The following GLP2R variants were observed in gnomAD, a reference collection of about 807,000 sequenced individuals.
GLP2R encodes the protein glucagon like peptide 2 receptor.
GLP2R carries 59 observed loss-of-function variants against 68.2 expected under a neutral mutation model. The observed-to-expected ratio is 0.87, with a 90% CI of 0.70 to 1.07. The LOEUF (loss-of-function observed/expected upper bound fraction) is 1.07, where lower values mean the gene tolerates loss of function less well. GLP2R is among the 50% of genes least tolerant of loss of function. The probability of loss-of-function intolerance (pLI) is 0.00; values close to 1 mark genes in which losing one functional copy is unlikely to be tolerated. For missense variants in GLP2R, 548 were observed against 677.4 expected (o/e 0.81, Z 2.12); for synonymous variants, 270 against 265.4 (o/e 1.02, Z -0.17).
chr17:9,838,290 A>G (rs73255032), intron 3 of GLP2R, among the ~76,000 whole-genome samples: 9,906 of 152,198 alleles, frequency 0.065, 860 homozygotes, highest in African/African-American at 0.2. Context: ...TTCCTCATCT[A>G]TGAAGGGAAG....
At chr17:9,835,116 A>G (rs981322287) in intron 2 of GLP2R, among the ~76,000 whole-genome samples, 10 of 145,832 alleles carry the variant, frequency 6.9e-5, no homozygotes, top group African/African-American at 2.3e-4. Context: ...ACAACCTCCA[A>G]CTCCCTGGTT....
chr17:9,881,605 C>T (rs1454420519), intron 11 of GLP2R, among the ~76,000 whole-genome samples: 1 of 135,624 alleles, frequency 7.4e-6, no homozygotes, highest in Non-Finnish European at 1.5e-5. Flanking sequence ...TGGTCTCGAT[C>T]TCCTGACCTC....
intron 1 of GLP2R, among the ~76,000 whole-genome samples, chr17:9,831,885 G>A (rs1475973651): frequency 1.3e-5 from 2 of 152,142 alleles, no homozygotes; most frequent in Non-Finnish European, 2.9e-5. Flanking sequence ...TGCTGTGGAC[G>A]ACTCCTGGTT....
intron 4 of GLP2R, among the ~76,000 whole-genome samples, chr17:9,846,813 G>A (rs2066843069): frequency 6.6e-6 from 1 of 152,156 alleles, no homozygotes; most frequent in South Asian, 2.1e-4. Context: ...ATCAAACCTT[G>A]CCAAGATTAA....
intron 10 of GLP2R, among the ~76,000 whole-genome samples, chr17:9,871,793 C>G (rs935453365): frequency 2.1e-5 from 3 of 141,188 alleles, no homozygotes; most frequent in African/African-American, 7.8e-5. Flanking sequence ...GGCATGATCT[C>G]AGCTCGCTGC....
intron 3 of GLP2R, among the ~76,000 whole-genome samples, chr17:9,838,965 A>C (rs1009491022): frequency 3.9e-5 from 6 of 152,216 alleles, no homozygotes; most frequent in Admixed American, 1.3e-4. Flanking sequence ...GTGAGCCCAC[A>C]TTGCACCACT....
intron 4 of GLP2R, among the ~76,000 whole-genome samples, chr17:9,848,991 T>C (rs2066866682): frequency 6.6e-6 from 1 of 150,546 alleles, no homozygotes; most frequent in Non-Finnish European, 1.5e-5. Flanking sequence ...CTTTGTCCTT[T>C]AAAAAGTGCG....
At chr17:9,857,721 A>T (rs1455477491) in intron 6 of GLP2R, 145 bp downstream of exon 6, 1 of 756,354 alleles carries the variant, frequency 1.3e-6, no homozygotes, top group African/African-American at 1.8e-5. Context: ...GTAGTACGTG[A>T]CTTAACAAAA....
chr17:9,870,834 A>T lies in GLP2R; in HGVS notation c.1144A>T (p.Arg382Ter). The change falls in exon 10 of 13, where the codon AGA becomes TGA. Residue 382 changes from arginine to a stop codon, truncating the protein, a stop_gained and splice_region_variant. Coordinates refer to ENST00000262441, the MANE Select transcript of GLP2R (RefSeq NM_004246.3). LOFTEE classifies it high-confidence loss of function. ...AATGTGCTTCAGAGATTATAAATAC[A>T]GGTGAGTGGCTTAAGGTTGGTCCCC... is the stretch of plus-strand genomic sequence containing the variant. ...HQMCFRDYKY[R>*]LAKSTLVLIP... 6.9e-7 allele frequency: 1 copy of T among 1,438,982 alleles called. No homozygotes were observed. Among genetic ancestry groups the T allele is most frequent in the Non-Finnish European group, 9.8e-7 (1 of 1,019,820 alleles). 89.1% of individuals were successfully genotyped at this position (1,438,982 alleles called of 1,614,324 possible).
At chr17:9,856,356 A>C (rs2066933574) in intron 5 of GLP2R, among the ~76,000 whole-genome samples, 3 of 152,204 alleles carry the variant, frequency 2.0e-5, no homozygotes, top group Admixed American at 6.5e-5. Context: ...AATAGCCCCC[A>C]GTCTAGTTAG....
chr17:9,889,847 A>C lies in GLP2R; in HGVS notation c.*142A>C. ...GCCACTTTGATATGAAAGCTATCACAAGGTTCTTCAAGCTCTGTATGAAAG... is the reference window on the plus strand; with the variant it reads ...GCCACTTTGATATGAAAGCTATCACCAGGTTCTTCAAGCTCTGTATGAAAG... On this transcript the variant is annotated 3_prime_UTR_variant, in exon 13 of 13. Transcript: ENST00000262441. The C allele has an allele frequency of 1.6e-6, 1 of 625,946 alleles. No homozygotes were observed. The allele number at this position is 625,946 out of a possible 1,614,324, so 38.8% of individuals were successfully genotyped here.
intron 10 of GLP2R, among the ~76,000 whole-genome samples, chr17:9,877,497 C>T (rs941275361): frequency 6.6e-6 from 1 of 152,106 alleles, no homozygotes; most frequent in Non-Finnish European, 1.5e-5. Flanking sequence ...AGGACATTAG[C>T]GGGAAATCCA....
chr17:9,877,790 T>C (rs1048578844), intron 10 of GLP2R, among the ~76,000 whole-genome samples: 3 of 144,890 alleles, frequency 2.1e-5, no homozygotes, highest in Admixed American at 7.3e-5. Flanking sequence ...GGCAGGAGAA[T>C]GGCATGAACC....
At chr17:9,860,835 G>T (rs1337643537) in intron 7 of GLP2R, among the ~76,000 whole-genome samples, 1 of 152,188 alleles carries the variant, frequency 6.6e-6, no homozygotes, top group Non-Finnish European at 1.5e-5. Flanking sequence ...GGTGCTACAG[G>T]ATTCAGAGGA....
At position 9,879,948 on chromosome 17, in the gene GLP2R, A is replaced by G. The variant is rs531182187; in HGVS notation, c.1146-430A>G. 2.0e-5 allele frequency among the ~76,000 whole-genome samples: 3 copies of G among 152,294 alleles called. No individual in the cohort carries two copies. The South Asian group carries it at 6.2e-4, about 32-fold the overall frequency. On this transcript the variant is annotated intron_variant, in intron 10 of 12. Coordinates refer to ENST00000262441, the MANE Select transcript of GLP2R (RefSeq NM_004246.3). ...TCATTTTCTCTCCCTTCTCATGGTA[A>G]CACTGGAAATACTGATGTTGAAAGT...
At chr17:9,826,976 A>G (rs2066638035) in intron 1 of GLP2R, among the ~76,000 whole-genome samples, 1 of 151,942 alleles carries the variant, frequency 6.6e-6, no homozygotes, top group African/African-American at 2.4e-5. Context: ...GGTTCAAGTG[A>G]TTTTCCTGCC....
chr17:9,826,848 TG>T (rs1194360084), intron 1 of GLP2R, among the ~76,000 whole-genome samples: 10 of 152,146 alleles, frequency 6.6e-5, no homozygotes, highest in Admixed American at 5.2e-4. Flanking sequence ...TTTCTACCAT[TG>T]TTTGCATACA....
At position 9,890,572 on chromosome 17, in the gene GLP2R, G is replaced by C. The variant is rs755365111; in HGVS notation, c.*867G>C. 1 of 152,984 alleles carries C rather than the reference G, an allele frequency of 6.5e-6. No individual in the cohort carries two copies. The highest frequency in any genetic ancestry group is 1.5e-5 in the Non-Finnish European group (1 of 68,720). 9.5% of individuals were successfully genotyped at this position (152,984 alleles called of 1,614,324 possible). A position where few individuals can be genotyped will look rare whatever the true frequency, so the allele number is the denominator to read the frequency against. ...TGGCTCTATCTACCTTTCTGAGTTT[G>C]GCTTCTACCAGCCTGATTTACACTA... On this transcript the variant is annotated 3_prime_UTR_variant, in exon 13 of 13. Transcript: ENST00000262441.
chr17:9,887,593 A>G (rs2067254922), intron 11 of GLP2R, among the ~76,000 whole-genome samples: 1 of 152,142 alleles, frequency 6.6e-6, no homozygotes, highest in Admixed American at 6.5e-5. Context: ...TGCAACAGTG[A>G]CCTTGCCCAA....
Sources: allele counts gnomAD v4.1 joint callset (sites outside exome capture counted in the v4.1 genomes callset), GRCh38; gene constraint gnomAD v4.1.1; transcripts MANE v1.5; gene names NCBI Gene and HGNC (gene_info 2026-07-23, HGNC 2026-07-21).